The following TJP3 variants were observed in gnomAD, a reference collection of about 807,000 sequenced individuals.
The protein encoded by TJP3 is tight junction protein ZO-3.
TJP3 carries 85 observed loss-of-function variants against 104.2 expected under a neutral mutation model. That is an observed-to-expected ratio of 0.82 (90% confidence interval 0.68 to 0.98). TJP3 has a LOEUF of 0.98. TJP3 is among the 50% of genes least tolerant of loss of function. TJP3 has a pLI of 0.00. For synonymous variants in TJP3, 550 were observed against 550.6 expected (o/e 1.00, Z 0.02); for missense variants, 1,367 against 1,322.8 (o/e 1.03, Z -0.52).
At chr19:3,723,619 C>T (rs1190499810) in intron 1 of TJP3, among the ~76,000 whole-genome samples, 3 of 151,502 alleles carry the variant, frequency 2.0e-5, no homozygotes, top group African/African-American at 4.9e-5. Flanking sequence ...TGGTGAACCC[C>T]CACCTCTACT....
In TJP3 at chr19:3,730,461, A is replaced by T; in HGVS notation, c.368A>T (p.Glu123Val). The T allele has an allele frequency of 6.3e-7, 1 of 1,585,696 alleles. No homozygotes were observed. Among genetic ancestry groups the T allele is most frequent in the Non-Finnish European group, 8.6e-7 (1 of 1,166,496 alleles). The change falls in exon 5 of 21, where the codon GAG becomes GTG. Residue 123 changes from glutamate to valine, a missense_variant. Coordinates refer to ENST00000541714, the MANE Select transcript of TJP3 (RefSeq NM_001267560.2). This position sits in a 1 kb window ranked among gnomAD's most constrained non-coding sequence, Gnocchi z 7.3. ...GACGATGGGCCCCAGCGGGTGGAGG[A>T]GGTGGACCAGGGCCGGGGCTATGAC... ...DEDDGPQRVE[E>V]VDQGRGYDGD...
In TJP3 at chr19:3,740,688, C is replaced by G; in HGVS notation, c.1768C>G (p.Arg590Gly). ...TCGAGGAGCCAAGAAGACCACTCAG[C>G]GGAGCCGTGAGGACCTCTCAGCTCT... is the stretch of plus-strand genomic sequence containing the variant. ...LRRGAKKTTQ[R>G]SREDLSALTR... Residue 590 changes from arginine (R) to glycine (G), a missense_variant, in exon 14 of 21, where the codon CGG becomes GGG. By Grantham distance (125) the Arg-to-Gly change is moderately radical (BLOSUM62 -2). Coordinates refer to ENST00000541714, the MANE Select transcript of TJP3 (RefSeq NM_001267560.2). 6.2e-7 allele frequency: 1 copy of G among 1,606,348 alleles called. No individual in the cohort carries two copies. Among genetic ancestry groups the G allele is most frequent in the Non-Finnish European group, 8.5e-7 (1 of 1,177,062 alleles).
rs1156753781 is a variant in TJP3, at chr19:3,728,477, C to T, written c.45C>T (p.Ser15=). 2 of 1,609,754 alleles carry T rather than the reference C, an allele frequency of 1.2e-6. No homozygotes were observed. The highest frequency in any genetic ancestry group is 1.1e-5 in the South Asian group (1 of 90,550). ...TIWEQHTATL[S]KDPRRGFGIA... is the part of the protein sequence containing the mutation. ...GGGAACAGCACACGGCCACACTGTCCAAGGTGAGGCCTCCCTCTCCCTGTC... is the reference window on the plus strand; with the variant it reads ...GGGAACAGCACACGGCCACACTGTCTAAGGTGAGGCCTCCCTCTCCCTGTC... The change falls in exon 2 of 21, where the codon TCC becomes TCT. Residue 15 remains serine (S), a synonymous_variant. Coordinates refer to ENST00000541714, the MANE Select transcript of TJP3 (RefSeq NM_001267560.2).
chr19:3,722,016 C>A, intron 1 of TJP3: 1 of 582,006 alleles, frequency 1.7e-6, no homozygotes, highest in Non-Finnish European at 2.5e-6. Flanking sequence ...CGCCTACCTA[C>A]ATAACAGGCA....
Position 3,750,196 on chromosome 19 carries a change from A to G in TJP3, c.2657+12A>G. The G allele has an allele frequency of 1.3e-6, 2 of 1,572,444 alleles. No individual in the cohort carries two copies. Among genetic ancestry groups the G allele is most frequent in the Non-Finnish European group, 1.7e-6 (2 of 1,162,044 alleles). On this transcript the variant is annotated intron_variant, in intron 20 of 20. Transcript: ENST00000541714. ...CAGGACAGCATGCGGTAAGAACCCC[A>G]TATTCCAGATTGGGGCCCTCAACCC...
In TJP3 at chr19:3,728,410, C is replaced by G. The variant is rs778147959; in HGVS notation, c.-9-14C>G. 3 of 1,614,222 alleles carry G rather than the reference C, an allele frequency of 1.9e-6. No homozygotes were observed. Among genetic ancestry groups the G allele is most frequent in the Non-Finnish European group, 2.5e-6 (3 of 1,180,034 alleles). ...TGTGGCCTCATGCCCATCTTCCCCGCTCCCCTCGACCAGGTGGCTGACATG... is the reference window on the plus strand; with the variant it reads ...TGTGGCCTCATGCCCATCTTCCCCGGTCCCCTCGACCAGGTGGCTGACATG... On this transcript the variant is annotated splice_polypyrimidine_tract_variant and intron_variant, in intron 1 of 20. Coordinates refer to ENST00000541714, the MANE Select transcript of TJP3 (RefSeq NM_001267560.2).
rs371036503 is a variant in TJP3 at position 3,748,002 on chromosome 19, G to A, written c.2531G>A (p.Arg844Gln). ...GAGCCCCCGGCTCCAGCCCTGGCCC[G>A]GTCCTCGGAGCCCGTGCAGGCAGAT... ...DDEPPAPALA[R>Q]SSEPVQADES... Residue 844 changes from arginine to glutamine, a missense_variant, in exon 19 of 21, where the codon CGG becomes CAG. Transcript: ENST00000541714. 9.3e-6 allele frequency: 15 copies of A among 1,609,366 alleles called. No homozygotes were observed. The highest frequency in any genetic ancestry group is 5.1e-5 in the Admixed American group (3 of 59,376).
Position 3,712,729 on chromosome 19 carries a change from G to A in TJP3, c.-10+4168G>A, listed in dbSNP as rs188315600. ...TTTGGGAGGCCGAGGTGGGAGGATC[G>A]CATGAGCCCAGCAGTTCAAGACAGG... On this transcript the variant is annotated intron_variant, in intron 1 of 20. Transcript: ENST00000541714. 3.3e-4 allele frequency among the ~76,000 whole-genome samples: 50 copies of A among 152,154 alleles called. No individual in the cohort carries two copies. The East Asian group carries it at 8.5e-3, about 26-fold the overall frequency.
At chr19:3,729,824 T>C (rs906022994) in intron 3 of TJP3, among the ~76,000 whole-genome samples, 1 of 150,476 alleles carries the variant, frequency 6.6e-6, no homozygotes, top group Non-Finnish European at 1.5e-5. Context: ...ATGATTATAG[T>C]AGGTTCTACA....
chr19:3,750,634 G>A lies in TJP3; in HGVS notation c.2710G>A (p.Glu904Lys), dbSNP rs1371537609. ...AAAGTTTATGCGAGTACATGATGCG[G>A]AGTCCTCCGATGAAGACGGCTATGA... is the stretch of plus-strand genomic sequence containing the variant. ...KKKFMRVHDA[E>K]SSDEDGYDWG... Residue 904 changes from glutamate (E) to lysine (K), a missense_variant, in exon 21 of 21, where the codon GAG (glutamate) becomes AAG (lysine). Glu to Lys is a moderately conservative substitution (Grantham distance 56). Coordinates refer to ENST00000541714, the MANE Select transcript of TJP3 (RefSeq NM_001267560.2). The A allele has an allele frequency of 2.5e-6, 4 of 1,608,892 alleles. No homozygotes were observed. In the African/African-American group the frequency reaches 5.3e-5, roughly 21 times the overall value.
chr19:3,712,702 A>G lies in TJP3; in HGVS notation c.-10+4141A>G, dbSNP rs182867902. Among the ~76,000 whole-genome samples, 465 of 152,122 alleles carry G rather than the reference A, an allele frequency of 3.1e-3. 2 individuals are homozygous for G. The highest frequency in any genetic ancestry group is 4.2e-3 in the Non-Finnish European group (287 of 67,986). ...GGTGGCTCCCGCCTGGAATCCCAAC[A>G]TTTTGGGAGGCCGAGGTGGGAGGAT... is the stretch of plus-strand genomic sequence containing the variant. On this transcript the variant is annotated intron_variant, in intron 1 of 20. Transcript: ENST00000541714.
intron 9 of TJP3, 108 bp from the exon 10 acceptor site, chr19:3,735,761 A>G (rs892278714): frequency 6.3e-7 from 1 of 1,582,470 alleles, no homozygotes. Flanking sequence ...TTTCCTGAGA[A>G]GGACTCGAGG....
chr19:3,735,911 G>A lies in TJP3; in HGVS notation c.1103G>A (p.Ser368Asn), dbSNP rs2036732549. 1 of 1,614,172 alleles carries A rather than the reference G, an allele frequency of 6.2e-7. No homozygotes were observed. Among genetic ancestry groups the A allele is most frequent in the Non-Finnish European group, 8.5e-7 (1 of 1,180,030 alleles). The change falls in exon 10 of 21, where the codon AGC becomes AAC. Residue 368 changes from serine to asparagine, a missense_variant. Transcript: ENST00000541714. The part of the protein sequence containing the change: ...ESSYDIYRVP[S>N]SQSMEDRGYS... ...AGCTATGACATCTACAGAGTGCCCA[G>A]CAGTCAGAGCATGGAGGATCGTGGG...
intron 1 of TJP3, among the ~76,000 whole-genome samples, chr19:3,708,895 T>C (rs994857103): frequency 2.0e-5 from 3 of 151,992 alleles, no homozygotes; most frequent in Non-Finnish European, 4.4e-5. Flanking sequence ...GGGGAGGGGA[T>C]ATCAGTCCAG....
At position 3,746,900 on chromosome 19, in the gene TJP3, C is replaced by T. The variant is rs754435962; in HGVS notation, c.2322+24C>T. ...AGGTACTGCCGCGGTGTGGGTGGGT[C>T]GGGCAGGGAGGCCCCACAGACGCTG... On this transcript the variant is annotated intron_variant, in intron 18 of 20. Coordinates refer to ENST00000541714, the MANE Select transcript of TJP3 (RefSeq NM_001267560.2). This position sits in a 1 kb window ranked among gnomAD's most constrained non-coding sequence, Gnocchi z 4.1. 3.8e-5 allele frequency: 27 copies of T among 707,122 alleles called. No individual in the cohort carries two copies. The highest frequency in any genetic ancestry group is 8.3e-5 in the Admixed American group (4 of 47,914). 43.8% of individuals were successfully genotyped at this position (707,122 alleles called of 1,614,324 possible).
Position 3,736,186 on chromosome 19 carries a change from G to C in TJP3, c.1149G>C (p.Val383=). Residue 383 remains valine, a synonymous_variant, in exon 11 of 21, where the codon GTG becomes GTC. Coordinates refer to ENST00000541714, the MANE Select transcript of TJP3 (RefSeq NM_001267560.2). ...GCAGGTACAGCCCCGACACGCGTGT[G>C]GTCCGCTTCCTCAAGGGCAAGAGCA... ...EDRGYSPDTR[V]VRFLKGKSIG... is the part of the protein sequence containing the mutation. 1 of 1,597,680 alleles carries C rather than the reference G, an allele frequency of 6.3e-7. No homozygotes were observed. Among genetic ancestry groups the C allele is most frequent in the Non-Finnish European group, 8.5e-7 (1 of 1,172,120 alleles).
At chr19:3,749,987 G>T in intron 19 of TJP3, 151 bp from the exon 20 acceptor site, 4 of 939,904 alleles carry the variant, frequency 4.3e-6, no homozygotes, top group Non-Finnish European at 5.1e-6. Flanking sequence ...TTCTCATTTA[G>T]ATTTGGGGAT....
intron 13 of TJP3, among the ~76,000 whole-genome samples, chr19:3,740,129 G>A (rs1368056633): frequency 1.3e-5 from 2 of 151,912 alleles, no homozygotes; most frequent in Non-Finnish European, 2.9e-5. Context: ...CTACTTGGGA[G>A]GCTGAGGCAT....
At chr19:3,725,346 C>T (rs1210580935) in intron 1 of TJP3, among the ~76,000 whole-genome samples, 6 of 152,098 alleles carry the variant, frequency 3.9e-5, no homozygotes, top group African/African-American at 1.4e-4. Context: ...CACTGTGCTG[C>T]GTGACCTCAG....
Sources: allele counts gnomAD v4.1 joint callset (sites outside exome capture counted in the v4.1 genomes callset), GRCh38; gene constraint gnomAD v4.1.1; non-coding constraint Gnocchi (gnomAD v3.1); transcripts MANE v1.5; gene names NCBI Gene and HGNC (gene_info 2026-07-23, HGNC 2026-07-21).